JAKMIP1: variants seen among roughly 807,000 people sequenced by gnomAD.
JAKMIP1 encodes the protein janus kinase and microtubule interacting protein 1, also known as janus kinase and microtubule-interacting protein 1.
In JAKMIP1, 33 loss-of-function variants were observed where a neutral mutation model predicts 113.0. That is an observed-to-expected ratio of 0.29 (90% confidence interval 0.22 to 0.39). The LOEUF (loss-of-function observed/expected upper bound fraction) is 0.39. JAKMIP1 is among the 10% of genes least tolerant of loss of function. The pLI is 1.00. For synonymous variants in JAKMIP1, 480 were observed against 459.9 expected (o/e 1.04, Z -0.56); for missense variants, 813 against 1,080.5 (o/e 0.75, Z 3.47).
chr4:6,054,344 T>C (rs1716055368), intron 12 of JAKMIP1, among the ~76,000 whole-genome samples, 196 bp from the exon 13 acceptor site: 1 of 152,012 alleles, frequency 6.6e-6, no homozygotes, highest in South Asian at 2.1e-4. Context: ...CGGCTGGAAA[T>C]GAAGGAGACA....
At position 6,081,338 on chromosome 4, in the gene JAKMIP1, T is replaced by C. The variant is rs552498532; in HGVS notation, c.1101+271A>G. Among the ~76,000 whole-genome samples, 1 of 152,350 alleles carries C rather than the reference T, an allele frequency of 6.6e-6. No homozygotes were observed. Among genetic ancestry groups the C allele is most frequent in the African/African-American group, 2.4e-5 (1 of 41,578 alleles). On this transcript the variant is annotated intron_variant, in intron 6 of 20. Coordinates refer to ENST00000409021, the MANE Select transcript of JAKMIP1 (RefSeq NM_001099433.2). The surrounding 1 kb of genome is among the most constrained non-coding windows in gnomAD (Gnocchi z 4.6). ...TGTGGATATTTTCATTCCCATTTTA[T>C]GCATGAAGAAACAGAGGCTCAGAGA...
intron 1 of JAKMIP1, among the ~76,000 whole-genome samples, chr4:6,171,138 GCAC>G (rs1724609214): frequency 8.4e-6 from 1 of 119,472 alleles, no homozygotes; most frequent in Non-Finnish European, 1.7e-5. Context: ...TCCATCACCA[GCAC>G]CACCATCATC....
At chr4:6,173,098 G>A (rs551999203) in intron 1 of JAKMIP1, among the ~76,000 whole-genome samples, 1 of 152,306 alleles carries the variant, frequency 6.6e-6, no homozygotes, top group South Asian at 2.1e-4. Context: ...ACGCCTATCT[G>A]TGTGGGTTCC....
In JAKMIP1 at chr4:6,156,545, A is replaced by T. The variant is rs1722258066; in HGVS notation, c.-147-43548T>A. Among the ~76,000 whole-genome samples, 1 of 152,206 alleles carries T rather than the reference A, an allele frequency of 6.6e-6. No homozygotes were observed. Among genetic ancestry groups the T allele is most frequent in the Non-Finnish European group, 1.5e-5 (1 of 68,044 alleles). ...AATAAATCCAGAGCCATCTGTTCTG[A>T]GCGTTCGGCTTCAGCCCCCAGTCAT... On this transcript the variant is annotated intron_variant, in intron 1 of 20. Coordinates refer to ENST00000409021, the MANE Select transcript of JAKMIP1 (RefSeq NM_001099433.2). This position sits in a 1 kb window ranked among gnomAD's most constrained non-coding sequence, Gnocchi z 5.0.
chr4:6,073,078 A>AC (rs1491580230), intron 8 of JAKMIP1, among the ~76,000 whole-genome samples: 3 of 54,102 alleles, frequency 5.5e-5, no homozygotes, highest in Non-Finnish European at 9.2e-5. Context: ...ACTCTGTCTT[A>AC]AAAAAAAAAA....
chr4:6,087,704 A>G (rs773379377), intron 3 of JAKMIP1, among the ~76,000 whole-genome samples: 1 of 152,204 alleles, frequency 6.6e-6, no homozygotes, highest in South Asian at 2.1e-4. Context: ...TGCCAGAGGT[A>G]TCACCTCTCT....
At chr4:6,056,182 G>A (rs991766646) in intron 12 of JAKMIP1, among the ~76,000 whole-genome samples, 1 of 149,200 alleles carries the variant, frequency 6.7e-6, no homozygotes, top group African/African-American at 2.5e-5. Context: ...GTCTGCAGAG[G>A]TTGGGACCTG....
intron 1 of JAKMIP1, among the ~76,000 whole-genome samples, chr4:6,159,845 CA>C (rs1722692735): frequency 6.6e-6 from 1 of 152,134 alleles, no homozygotes; most frequent in Non-Finnish European, 1.5e-5. Flanking sequence ...ATGGGCCTGG[CA>C]AGAGACTGGT....
At chr4:6,032,323 A>T (rs1473466272) in intron 19 of JAKMIP1, among the ~76,000 whole-genome samples, 3 of 152,194 alleles carry the variant, frequency 2.0e-5, no homozygotes, top group African/African-American at 7.2e-5. Flanking sequence ...ATCTTTCTTG[A>T]TATTCACGCT....
Position 6,168,350 on chromosome 4 carries a change from G to A in JAKMIP1, c.-148+31903C>T, listed in dbSNP as rs1051207221. ...AAAAACATGTACACAAACATTCATG[G>A]CAGCACGATTCCTAACACCCAACAT... is the stretch of plus-strand genomic sequence containing the variant. On this transcript the variant is annotated intron_variant, in intron 1 of 20. Coordinates refer to ENST00000409021, the MANE Select transcript of JAKMIP1 (RefSeq NM_001099433.2). This position sits in a 1 kb window ranked among gnomAD's most constrained non-coding sequence, Gnocchi z 4.6. Among the ~76,000 whole-genome samples the A allele has an allele frequency of 3.3e-5, 5 of 152,168 alleles. No individual in the cohort carries two copies. Among genetic ancestry groups the A allele is most frequent in the African/African-American group, 9.6e-5 (4 of 41,452 alleles).
intron 8 of JAKMIP1, among the ~76,000 whole-genome samples, chr4:6,075,750 G>A (rs1719611129): frequency 6.6e-6 from 1 of 152,200 alleles, no homozygotes; most frequent in Non-Finnish European, 1.5e-5. Context: ...CCTACTCTGT[G>A]CCAGGCAATG....
rs1726902013 is a variant in JAKMIP1, at chr4:6,188,688, G to A, written c.-148+11565C>T. 6.6e-6 allele frequency among the ~76,000 whole-genome samples: 1 copy of A among 152,140 alleles called. No homozygotes were observed. The highest frequency in any genetic ancestry group is 1.5e-5 in the Non-Finnish European group (1 of 68,016). On this transcript the variant is annotated intron_variant, in intron 1 of 20. Transcript: ENST00000409021. This position sits in a 1 kb window ranked among gnomAD's most constrained non-coding sequence, Gnocchi z 5.8. Reference sequence around the variant, plus strand: ...GCATCCCTCCCCCATCTTCTGGCTAGAGCACCCCAATTTTTAATATCCTAT... The same window carrying A: ...GCATCCCTCCCCCATCTTCTGGCTAAAGCACCCCAATTTTTAATATCCTAT...
chr4:6,099,999 T>C (rs577988079), intron 3 of JAKMIP1, among the ~76,000 whole-genome samples: 1 of 152,318 alleles, frequency 6.6e-6, no homozygotes, highest in East Asian at 1.9e-4. Flanking sequence ...TGTTTCATTG[T>C]GTGCTGTTCT....
At chr4:6,068,550 T>C (rs899329767) in intron 8 of JAKMIP1, among the ~76,000 whole-genome samples, 4 of 113,102 alleles carry the variant, frequency 3.5e-5, no homozygotes, top group African/African-American at 1.3e-4. Flanking sequence ...TTTTTAAAAA[T>C]TTTTTAACTT....
At chr4:6,032,537 G>T (rs1712852097) in intron 19 of JAKMIP1, among the ~76,000 whole-genome samples, 1 of 152,184 alleles carries the variant, frequency 6.6e-6, no homozygotes, top group South Asian at 2.1e-4. Flanking sequence ...ACTCGTGTGA[G>T]TTTCATTCAA....
In JAKMIP1 at chr4:6,139,835, A is replaced by G. The variant is rs1368325748; in HGVS notation, c.-147-26838T>C. Among the ~76,000 whole-genome samples the G allele has an allele frequency of 6.6e-6, 1 of 151,844 alleles. No homozygotes were observed. The highest frequency in any genetic ancestry group is 1.5e-5 in the Non-Finnish European group (1 of 68,030). ...TGGGAGCACAGAGACACAGAGACAAAGGAGAACACCATGTGACGACGAAGG... is the reference window on the plus strand; with the variant it reads ...TGGGAGCACAGAGACACAGAGACAAGGGAGAACACCATGTGACGACGAAGG... On this transcript the variant is annotated intron_variant, in intron 1 of 20. Coordinates refer to ENST00000409021, the MANE Select transcript of JAKMIP1 (RefSeq NM_001099433.2). This position sits in a 1 kb window ranked among gnomAD's most constrained non-coding sequence, Gnocchi z 5.2.
chr4:6,170,931 TCAC>T (rs1213685584), intron 1 of JAKMIP1, among the ~76,000 whole-genome samples: 1 of 138,236 alleles, frequency 7.2e-6, no homozygotes, highest in Admixed American at 7.2e-5. Context: ...TTTCTTACCA[TCAC>T]CACCACCACC....
chr4:6,152,674 C>T (rs1432132883), intron 1 of JAKMIP1, among the ~76,000 whole-genome samples: 1 of 151,498 alleles, frequency 6.6e-6, no homozygotes, highest in Non-Finnish European at 1.5e-5. Context: ...GAGTGTGGTG[C>T]CTCATGCCTG....
rs888376208 is a variant in JAKMIP1, at chr4:6,199,034, G to A, written c.-148+1219C>T. ...GGCCATCAGATGGTAACAGCATCCT[G>A]GGACAGCGCCACGTTCCAGGAAAGC... On this transcript the variant is annotated intron_variant, in intron 1 of 20. Coordinates refer to ENST00000409021, the MANE Select transcript of JAKMIP1 (RefSeq NM_001099433.2). This position sits in a 1 kb window ranked among gnomAD's most constrained non-coding sequence, Gnocchi z 5.6. Among the ~76,000 whole-genome samples, 1 of 152,266 alleles carries A rather than the reference G, an allele frequency of 6.6e-6. No homozygotes were observed. Among genetic ancestry groups the A allele is most frequent in the African/African-American group, 2.4e-5 (1 of 41,478 alleles).
Sources: allele counts gnomAD v4.1 joint callset (sites outside exome capture counted in the v4.1 genomes callset), GRCh38; gene constraint gnomAD v4.1.1; non-coding constraint Gnocchi (gnomAD v3.1); transcripts MANE v1.5; gene names NCBI Gene and HGNC (gene_info 2026-07-23, HGNC 2026-07-21).